The following PLCE1 variants were observed in gnomAD, a reference collection of about 807,000 sequenced individuals.
PLCE1 encodes the protein phospholipase C epsilon 1, also known as 1-phosphatidylinositol 4,5-bisphosphate phosphodiesterase epsilon-1.
Under a neutral mutation model 242.8 loss-of-function variants are expected in PLCE1, and 119 were observed. That is an observed-to-expected ratio of 0.49 (90% CI 0.42 to 0.57). PLCE1 has a LOEUF of 0.57. Among genes scored for constraint, PLCE1 ranks in the 20% least tolerant of loss-of-function variants. The pLI, the probability that PLCE1 is intolerant of heterozygous loss-of-function variation, is 0.00. For missense variants in PLCE1, 2,441 were observed against 2,788.8 expected, an observed-to-expected ratio of 0.88 and a Z score of 2.81; for synonymous variants, 945 against 1,017.4, an observed-to-expected ratio of 0.93 and a Z score of 1.35.
chr10:94,304,590 T>C lies in PLCE1; in HGVS notation c.5567T>C (p.Phe1856Ser). 6.2e-7 allele frequency: 1 copy of C among 1,614,086 alleles called. No individual in the cohort carries two copies. Among genetic ancestry groups the C allele is most frequent in the Non-Finnish European group, 8.5e-7 (1 of 1,179,980 alleles). Residue 1856 changes from phenylalanine to serine, a missense_variant, in exon 25 of 33, where the codon TTT becomes TCT. Phe to Ser is a radical substitution (Grantham distance 155). Around this residue, in one of 5 missense-constraint regions of PLCE1, gnomAD observed 1,004 missense variants for 1,322.7 expected, o/e 0.76. Transcript: ENST00000371380. ...AAGAACTGCCCCATGTATCAGAAGT[T>C]TTCTCCACTAGAAAGAGATCTGGAC... ...WDKNCPMYQK[F>S]SPLERDLDSM...
rs2054119461 is a variant in PLCE1 at position 94,328,759 on chromosome 10, C to T, written c.*816C>T. Reference sequence around the variant, plus strand: ...TGCACTCCTCTTTAGGATTTTTTTACATATAGAAATAATATTGGGTTTTTT... The same window carrying T: ...TGCACTCCTCTTTAGGATTTTTTTATATATAGAAATAATATTGGGTTTTTT... On this transcript the variant is annotated 3_prime_UTR_variant, in exon 33 of 33. Coordinates refer to ENST00000371380, the MANE Select transcript of PLCE1 (RefSeq NM_016341.4). The T allele has an allele frequency of 6.6e-6, 1 of 152,040 alleles. No homozygotes were observed. The highest frequency in any genetic ancestry group is 1.5e-5 in the Non-Finnish European group (1 of 68,016). The allele number at this position is 152,040 out of a possible 1,614,324, so 9.4% of individuals were successfully genotyped here.
In PLCE1 at chr10:94,254,924, C is replaced by A. The variant is rs564560108; in HGVS notation, c.3429C>A (p.Pro1143=). The A allele has an allele frequency of 6.2e-7, 1 of 1,614,104 alleles. No individual in the cohort carries two copies. Among genetic ancestry groups the A allele is most frequent in the Non-Finnish European group, 8.5e-7 (1 of 1,179,990 alleles). The change falls in exon 11 of 33, where the codon CCC becomes CCA. Residue 1143 remains proline, a synonymous_variant. Transcript: ENST00000371380. ...EVNAIANPPN[P]LPSRRAHSLT... is the part of the protein sequence containing the mutation. Reference sequence around the variant, plus strand: ...ATGCCATCGCTAACCCTCCAAACCCCCTCCCTTCCAGAAGAGCCCACTCTT... The same window carrying A: ...ATGCCATCGCTAACCCTCCAAACCCACTCCCTTCCAGAAGAGCCCACTCTT...
In PLCE1 at chr10:94,298,265, T is replaced by G. The variant is rs1248840307; in HGVS notation, c.5168-114T>G. The G allele has an allele frequency of 2.2e-6, 2 of 915,792 alleles. No individual in the cohort carries two copies. Among genetic ancestry groups the G allele is most frequent in the African/African-American group, 1.6e-5 (1 of 60,628 alleles). 56.7% of individuals were successfully genotyped at this position (915,792 alleles called of 1,614,324 possible). A position where few individuals can be genotyped will look rare whatever the true frequency, so the allele number is the denominator to read the frequency against. ...ACTCACAAGTAAAATCCAAGAGGTATTCTGATGTGGTTTATATGCTATGAC... is the reference window on the plus strand; with the variant it reads ...ACTCACAAGTAAAATCCAAGAGGTAGTCTGATGTGGTTTATATGCTATGAC... On this transcript the variant is annotated intron_variant, in intron 23 of 32. Coordinates refer to ENST00000371380, the MANE Select transcript of PLCE1 (RefSeq NM_016341.4). This position sits in a 1 kb window ranked among gnomAD's most constrained non-coding sequence, Gnocchi z 5.2.
intron 4 of PLCE1, among the ~76,000 whole-genome samples, chr10:94,194,527 G>A (rs1041632893): frequency 4.6e-5 from 7 of 152,164 alleles, no homozygotes; most frequent in African/African-American, 1.4e-4. Flanking sequence ...ACAGGAAGAG[G>A]CAAAGACTCT....
At chr10:94,227,239 T>C (rs2049976950) in intron 4 of PLCE1, 67 bp from the exon 5 acceptor site, 2 of 1,480,456 alleles carry the variant, frequency 1.4e-6, no homozygotes, top group Middle Eastern at 1.7e-4. Flanking sequence ...CAAAGAATGC[T>C]TTTGGAAAAA....
chr10:94,085,126 A>G (rs1339522679), intron 2 of PLCE1, among the ~76,000 whole-genome samples: 2 of 152,134 alleles, frequency 1.3e-5, no homozygotes, highest in African/African-American at 4.8e-5. Flanking sequence ...GTTTATGTAT[A>G]TTTTCTCATT....
At chr10:94,038,843 A>G (rs1470073516) in intron 2 of PLCE1, among the ~76,000 whole-genome samples, 2 of 152,120 alleles carry the variant, frequency 1.3e-5, no homozygotes, top group Admixed American at 1.3e-4. Flanking sequence ...TCATCATCTC[A>G]AAAAGCAACC....
intron 2 of PLCE1, among the ~76,000 whole-genome samples, chr10:94,033,496 AC>A (rs1328575318): frequency 6.6e-6 from 1 of 152,142 alleles, no homozygotes; most frequent in African/African-American, 2.4e-5. Flanking sequence ...AGTTACTATT[AC>A]TACTACTGAA....
At chr10:94,109,858 T>A (rs2045888080) in intron 2 of PLCE1, among the ~76,000 whole-genome samples, 1 of 151,620 alleles carries the variant, frequency 6.6e-6, no homozygotes, top group African/African-American at 2.4e-5. Flanking sequence ...GGATGTTTTT[T>A]TTTTTTTTCC....
chr10:94,301,372 A>C (rs2053033936), intron 24 of PLCE1, among the ~76,000 whole-genome samples: 2 of 152,012 alleles, frequency 1.3e-5, no homozygotes, highest in Admixed American at 1.3e-4. Flanking sequence ...AAAATTATAT[A>C]TATAGATAGA....
intron 2 of PLCE1, among the ~76,000 whole-genome samples, chr10:94,110,415 AG>A (rs1273183365): frequency 6.6e-6 from 1 of 152,136 alleles, no homozygotes; most frequent in Non-Finnish European, 1.5e-5. Flanking sequence ...GTGCAGAAAA[AG>A]TTTTATGCAC....
chr10:94,141,474 G>A (rs538875319), intron 3 of PLCE1, among the ~76,000 whole-genome samples: 1 of 151,642 alleles, frequency 6.6e-6, no homozygotes, highest in South Asian at 2.1e-4. Flanking sequence ...GGAGAGGGAG[G>A]AGAAGGAGAA....
chr10:94,071,026 A>C (rs74512937), intron 2 of PLCE1, among the ~76,000 whole-genome samples: 3,342 of 152,214 alleles, frequency 0.022, 116 homozygotes, highest in African/African-American at 0.065. Flanking sequence ...CTGGGAGGAG[A>C]GCTTCCCCTT....
At chr10:94,252,691 G>T (rs1245159616) in intron 9 of PLCE1, among the ~76,000 whole-genome samples, 193 bp downstream of exon 9, 2 of 152,086 alleles carry the variant, frequency 1.3e-5, no homozygotes, top group East Asian at 3.9e-4. Context: ...GACAAGGTCC[G>T]CAGAAGGACA....
chr10:94,050,059 G>A (rs1188650547), intron 2 of PLCE1, among the ~76,000 whole-genome samples: 1 of 152,160 alleles, frequency 6.6e-6, no homozygotes, highest in Non-Finnish European at 1.5e-5. Context: ...TATGAATAGT[G>A]CTAGTCTGTT....
At chr10:94,290,348 T>C (rs972920265) in intron 22 of PLCE1, among the ~76,000 whole-genome samples, 35 of 151,638 alleles carry the variant, frequency 2.3e-4, no homozygotes, top group Middle Eastern at 6.8e-3. Context: ...TTTTTTTTTT[T>C]CCCATTCTGT....
chr10:94,221,763 A>G (rs1031846470), intron 4 of PLCE1, among the ~76,000 whole-genome samples: 1 of 152,142 alleles, frequency 6.6e-6, no homozygotes, highest in African/African-American at 2.4e-5. Context: ...AAGAAGAAGA[A>G]GGAAAGTAGC....
intron 4 of PLCE1, among the ~76,000 whole-genome samples, chr10:94,185,147 T>A (rs940515487): frequency 2.0e-5 from 3 of 152,122 alleles, no homozygotes; most frequent in Non-Finnish European, 4.4e-5. Context: ...GTGTAAGAGA[T>A]CATGGTTAGA....
intron 24 of PLCE1, among the ~76,000 whole-genome samples, chr10:94,302,503 T>A (rs1162830712): frequency 2.6e-5 from 4 of 152,134 alleles, no homozygotes; most frequent in African/African-American, 4.8e-5. Context: ...TGAAATCACT[T>A]GAGGTTGATG....
Sources: gnomAD v4.1 joint callset for allele counts (sites outside exome capture counted in the v4.1 genomes callset) on GRCh38, gnomAD v4.1.1 for gene constraint, gnomAD v4.1.1 regional missense constraint, Gnocchi (gnomAD v3.1) non-coding constraint, MANE v1.5 for transcripts, NCBI Gene and HGNC (gene_info 2026-07-23, HGNC 2026-07-21) for gene names.